ABR: variants seen among roughly 807,000 people sequenced by gnomAD.
ABR encodes the protein ABR activator of RhoGEF and GTPase, also known as active breakpoint cluster region-related protein.
Under a neutral mutation model 107.2 loss-of-function variants are expected in ABR, and 35 were observed. That is an observed-to-expected ratio of 0.33 (90% CI 0.25 to 0.43). The LOEUF is 0.43. Among genes scored for constraint, ABR ranks in the 20% least tolerant of loss-of-function variants. The pLI, the probability that ABR is intolerant of heterozygous loss-of-function variation, is 1.00. For synonymous variants in ABR, 498 were observed against 462.0 expected, an observed-to-expected ratio of 1.08 and a Z score of -1.00; for missense variants, 815 against 1,115.2, an observed-to-expected ratio of 0.73 and a Z score of 3.83.
chr17:1,092,713 A>C lies in ABR; in HGVS notation c.346-863T>G, dbSNP rs998676694. 2.0e-5 allele frequency among the ~76,000 whole-genome samples: 3 copies of C among 151,778 alleles called. No individual in the cohort carries two copies. Among genetic ancestry groups the C allele is most frequent in the African/African-American group, 4.8e-5 (2 of 41,366 alleles). ...GAATATGAATAATCAGAAAAAAAAA[A>C]ACCAAAGATGACCAGGCTGTACTGC... On this transcript the variant is annotated intron_variant, in intron 3 of 22. Transcript: ENST00000302538. The surrounding 1 kb of genome is among the most constrained non-coding windows in gnomAD (Gnocchi z 4.6).
chr17:1,167,435 G>A (rs1243500030), intron 1 of ABR, among the ~76,000 whole-genome samples: 2 of 152,290 alleles, frequency 1.3e-5, no homozygotes, highest in African/African-American at 4.8e-5. Context: ...CCACCTGCTC[G>A]GTGCCTAGCT....
chr17:1,039,945 G>C (rs2030048938), intron 16 of ABR, among the ~76,000 whole-genome samples: 1 of 152,188 alleles, frequency 6.6e-6, no homozygotes, highest in Non-Finnish European at 1.5e-5. Flanking sequence ...CCAGGGCAGG[G>C]GTTGGGGACG....
chr17:1,129,511 G>A (rs917654775), intron 1 of ABR, among the ~76,000 whole-genome samples: 2 of 152,050 alleles, frequency 1.3e-5, no homozygotes, highest in Non-Finnish European at 2.9e-5. Flanking sequence ...CAGACTGGGC[G>A]ACAGATCAAG....
At chr17:1,075,267 G>A (rs961750161) in intron 6 of ABR, among the ~76,000 whole-genome samples, 1 of 152,254 alleles carries the variant, frequency 6.6e-6, no homozygotes, top group Non-Finnish European at 1.5e-5. Context: ...TGTCCCTGGG[G>A]TCATGACCTT....
intron 1 of ABR, among the ~76,000 whole-genome samples, chr17:1,225,043 G>A (rs1375585265): frequency 2.0e-5 from 3 of 151,746 alleles, no homozygotes; most frequent in Non-Finnish European, 4.4e-5. Context: ...CAGCTACTCA[G>A]GAGGCTGAGG....
At chr17:1,166,054 A>G (rs2041494053) in intron 1 of ABR, among the ~76,000 whole-genome samples, 2 of 107,668 alleles carry the variant, frequency 1.9e-5, no homozygotes, top group South Asian at 6.1e-4. Flanking sequence ...AGATGGCCTC[A>G]GCCCCCGCCC....
intron 16 of ABR, among the ~76,000 whole-genome samples, chr17:1,033,766 G>A (rs1292049099): frequency 6.6e-6 from 1 of 152,268 alleles, no homozygotes. Context: ...CCGCCTGAGG[G>A]GGAGGTGGAG....
Position 1,092,774 on chromosome 17 carries a change from C to G in ABR, c.346-924G>C, listed in dbSNP as rs536302130. ...CAGGACACAGGGCCTGATAACCTGC[C>G]ATACAGGGAAGGTGTGGCAGGGAAG... On this transcript the variant is annotated intron_variant, in intron 3 of 22. Coordinates refer to ENST00000302538, the MANE Select transcript of ABR (RefSeq NM_021962.5). This position sits in a 1 kb window ranked among gnomAD's most constrained non-coding sequence, Gnocchi z 4.6. Among the ~76,000 whole-genome samples, 8 of 151,620 alleles carry G rather than the reference C, an allele frequency of 5.3e-5. No individual in the cohort carries two copies. In the East Asian group the frequency reaches 1.6e-3, roughly 29 times the overall value.
chr17:1,029,994 T>G (rs2072598279), intron 16 of ABR, among the ~76,000 whole-genome samples: 1 of 151,854 alleles, frequency 6.6e-6, no homozygotes. Flanking sequence ...ATGGAATCGC[T>G]CGTCACACAG....
intron 1 of ABR, among the ~76,000 whole-genome samples, chr17:1,203,006 C>T (rs2042699434): frequency 6.6e-6 from 1 of 151,874 alleles, no homozygotes; most frequent in African/African-American, 2.4e-5. Context: ...CCTGCCTCAG[C>T]CTCCCAAGTA....
chr17:1,038,658 C>T (rs181980384), intron 16 of ABR, among the ~76,000 whole-genome samples: 9 of 152,336 alleles, frequency 5.9e-5, no homozygotes, highest in Non-Finnish European at 1.2e-4. Flanking sequence ...TGTCCACGCC[C>T]CCAGGCCACG....
At chr17:1,107,053 C>T (rs1034286028) in intron 2 of ABR, among the ~76,000 whole-genome samples, 1 of 152,224 alleles carries the variant, frequency 6.6e-6, no homozygotes, top group African/African-American at 2.4e-5. Flanking sequence ...AGGCCAATGC[C>T]GGTAGAGGAG....
At chr17:1,062,831 CTG>C (rs1567681033) in intron 10 of ABR, among the ~76,000 whole-genome samples, 1 of 142,188 alleles carries the variant, frequency 7.0e-6, no homozygotes, top group Non-Finnish European at 1.6e-5. Flanking sequence ...CCTCTAGACA[CTG>C]TTGTTATGTG....
At position 1,139,354 on chromosome 17, in the gene ABR, C is replaced by G. The variant is rs186448020; in HGVS notation, c.62-13987G>C. 6.7e-3 allele frequency among the ~76,000 whole-genome samples: 1,022 copies of G among 152,284 alleles called. 12 individuals are homozygous for G. The highest frequency in any genetic ancestry group is 0.023 in the African/African-American group (976 of 41,560). Reference sequence around the variant, plus strand: ...GCAAGCTCCGCCTCCCGGGTTCAAGCCATTCTCCTGCCTCAGCCTCCCGAG... The same window carrying G: ...GCAAGCTCCGCCTCCCGGGTTCAAGGCATTCTCCTGCCTCAGCCTCCCGAG... On this transcript the variant is annotated intron_variant, in intron 1 of 22. Coordinates refer to ENST00000302538, the MANE Select transcript of ABR (RefSeq NM_021962.5).
rs1425330457 is a variant in ABR at position 1,210,736 on chromosome 17, T to C, written c.838+18057A>G. Among the ~76,000 whole-genome samples the C allele has an allele frequency of 1.3e-5, 2 of 152,224 alleles. No individual in the cohort carries two copies. Among genetic ancestry groups the C allele is most frequent in the African/African-American group, 4.8e-5 (2 of 41,448 alleles). On this transcript the variant is annotated intron_variant, in intron 1 of 22. Transcript: ENST00000574139. The surrounding 1 kb of genome is among the most constrained non-coding windows in gnomAD (Gnocchi z 5.6). ...TTTATCAACCAACTGGCAACTCCTA[T>C]CTACTCACACACAAACTCAAAAGGG...
intron 1 of ABR, among the ~76,000 whole-genome samples, chr17:1,166,178 G>GT (rs1160774598): frequency 6.6e-6 from 1 of 152,122 alleles, no homozygotes; most frequent in Non-Finnish European, 1.5e-5. Flanking sequence ...AAGGTGGTAG[G>GT]AACACCACAC....
At position 1,222,074 on chromosome 17, in the gene ABR, C is replaced by CTTTTTTTTTTTTTTTTTT. The variant is rs1488404002; in HGVS notation, c.838+6718_838+6719insAAAAAAAAAAAAAAAAAA. Among the ~76,000 whole-genome samples, 24 of 144,774 alleles carry CTTTTTTTTTTTTTTTTTT rather than the reference C, an allele frequency of 1.7e-4. 6 individuals are homozygous for CTTTTTTTTTTTTTTTTTT. Among genetic ancestry groups the CTTTTTTTTTTTTTTTTTT allele is most frequent in the South Asian group, 2.2e-4 (1 of 4,628 alleles). The allele number at this position is 144,774 out of a possible 152,430, so 95.0% of individuals were successfully genotyped here. On this transcript the variant is annotated intron_variant, in intron 1 of 22. Coordinates refer to the ABR transcript ENST00000574139. ...ATAACAGCACCATGGAGGATCCCATCTTTTTTTCTGAGACGGAGTTTCACC... is the reference window on the plus strand; with the variant it reads ...ATAACAGCACCATGGAGGATCCCATCTTTTTTTTTTTTTTTTTTTTTTTTTCTGAGACGGAGTTTCACC...
intron 1 of ABR, among the ~76,000 whole-genome samples, chr17:1,153,502 G>C (rs1294842444): frequency 3.7e-5 from 5 of 134,306 alleles, no homozygotes; most frequent in African/African-American, 1.5e-4. Context: ...GAGGGCTGGG[G>C]GTCCAGGCAC....
At chr17:1,202,938 G>A (rs868096515) in intron 1 of ABR, among the ~76,000 whole-genome samples, 1 of 149,166 alleles carries the variant, frequency 6.7e-6, no homozygotes, top group Non-Finnish European at 1.5e-5. Context: ...CCAGGCTACA[G>A]TACAGTGGTG....
Sources: allele counts gnomAD v4.1 joint callset (sites outside exome capture counted in the v4.1 genomes callset), GRCh38; gene constraint gnomAD v4.1.1; non-coding constraint Gnocchi (gnomAD v3.1); transcripts MANE v1.5; gene names NCBI Gene and HGNC (gene_info 2026-07-23, HGNC 2026-07-21).